ENOX2: variants seen among roughly 807,000 people sequenced by gnomAD.
ENOX2 encodes the protein ecto-NOX disulfide-thiol exchanger 2, also known as APK1 antigen.
In ENOX2, 36 loss-of-function variants were observed where a neutral mutation model predicts 45.0. The ratio of observed to expected loss-of-function variants is 0.80; its 90% CI spans 0.61 to 1.06. The LOEUF is 1.06. Ranked by LOEUF, ENOX2 falls within the 50% of genes least tolerant of loss-of-function variation. The probability of loss-of-function intolerance (pLI) is 0.00; values close to 1 mark genes in which losing one functional copy is unlikely to be tolerated. For missense variants in ENOX2, 423 were observed against 462.5 expected (o/e 0.91, Z 0.78); for synonymous variants, 174 against 152.3 (o/e 1.14, Z -1.05).
chrX:130,709,060 T>C (rs1052942933), intron 3 of ENOX2, among the ~76,000 whole-genome samples: 3 of 112,005 alleles, frequency 2.7e-5, no homozygotes, highest in African/African-American at 9.7e-5. Context: ...TTAAGGTAAT[T>C]AAATTTACTA....
chrX:130,750,971 CTG>C (rs1158331583), intron 3 of ENOX2, among the ~76,000 whole-genome samples: 1 of 111,551 alleles, frequency 9.0e-6, no homozygotes, highest in Non-Finnish European at 1.9e-5. Context: ...GGGTATCTGT[CTG>C]TCTGTGTTTA....
intron 3 of ENOX2, among the ~76,000 whole-genome samples, chrX:130,715,328 A>G (rs2038298566): frequency 8.9e-6 from 1 of 111,783 alleles, no homozygotes. Flanking sequence ...CTGCCTCAGC[A>G]GGGCCATCCT....
chrX:130,631,602 CAGTTCACTT>C, intron 12 of ENOX2, 26 bp from the exon 13 acceptor site: 1 of 937,340 alleles, frequency 1.1e-6, no homozygotes, highest in Non-Finnish European at 1.5e-6. Context: ...GCTTCTAGGT[CAGTTCACTT>C]TATTTGGCAA....
chrX:130,789,348 G>T (rs749510606), intron 2 of ENOX2, among the ~76,000 whole-genome samples: 5 of 112,129 alleles, frequency 4.5e-5, no homozygotes, highest in Non-Finnish European at 7.5e-5. Context: ...CCACTATCAG[G>T]TCAAATTAGG....
intron 3 of ENOX2, among the ~76,000 whole-genome samples, chrX:130,704,731 T>C (rs968627362): frequency 8.9e-6 from 1 of 112,073 alleles, no homozygotes; most frequent in Non-Finnish European, 1.9e-5. Context: ...TTCTGAAATA[T>C]TAGTTTTTGT....
intron 3 of ENOX2, among the ~76,000 whole-genome samples, chrX:130,708,517 C>T (rs2038098824): frequency 8.9e-6 from 1 of 111,992 alleles, no homozygotes; most frequent in South Asian, 3.7e-4. Context: ...CCAAAGAGTA[C>T]ATTTATTCTG....
chrX:130,858,687 G>A (rs753102049), intron 2 of ENOX2, among the ~76,000 whole-genome samples: 2 of 111,245 alleles, frequency 1.8e-5, no homozygotes, highest in Admixed American at 1.9e-4. Flanking sequence ...TAACTCAGAT[G>A]TATATTGATT....
intron 2 of ENOX2, among the ~76,000 whole-genome samples, chrX:130,882,027 T>C (rs1310905353): frequency 2.7e-5 from 3 of 111,762 alleles, no homozygotes; most frequent in Non-Finnish European, 5.6e-5. Flanking sequence ...CTTCAAGAAC[T>C]CAGTCTATTG....
intron 2 of ENOX2, among the ~76,000 whole-genome samples, chrX:130,889,235 T>C (rs995954068): frequency 1.3e-4 from 14 of 111,397 alleles, no homozygotes; most frequent in Admixed American, 4.8e-4. Flanking sequence ...GATTTCCATC[T>C]GTATGGTGGT....
chrX:130,742,295 A>C (rs1188249652), intron 3 of ENOX2, among the ~76,000 whole-genome samples: 2 of 81,602 alleles, frequency 2.5e-5, no homozygotes, highest in Non-Finnish European at 4.4e-5. Flanking sequence ...TGCTAGAATG[A>C]CATCTTTACA....
intron 4 of ENOX2, among the ~76,000 whole-genome samples, chrX:130,701,920 G>T (rs1049481539): frequency 7.1e-5 from 8 of 112,047 alleles, no homozygotes; most frequent in Non-Finnish European, 1.3e-4. Context: ...ATAGTAGTTT[G>T]GCAGAGTTCT....
chrX:130,625,907 C>G (rs1250247708), intron 14 of ENOX2, among the ~76,000 whole-genome samples: 7 of 109,543 alleles, frequency 6.4e-5, no homozygotes, highest in Admixed American at 3.9e-4. Flanking sequence ...CCCCATCTCT[C>G]TCTCTCTCTC....
At chrX:130,638,068 T>C (rs2035978252) in intron 10 of ENOX2, among the ~76,000 whole-genome samples, 1 of 92,519 alleles carries the variant, frequency 1.1e-5, no homozygotes, top group Admixed American at 1.1e-4. Flanking sequence ...CCTTCCTTCC[T>C]TTTTTTTTTT....
chrX:130,788,775 C>T (rs2077002661), intron 2 of ENOX2, among the ~76,000 whole-genome samples: 1 of 112,147 alleles, frequency 8.9e-6, no homozygotes, highest in African/African-American at 3.2e-5. Flanking sequence ...GTTTCCCTCA[C>T]ATCTCATCTC....
At chrX:130,673,984 T>A in intron 6 of ENOX2, among the ~76,000 whole-genome samples, 1 of 112,364 alleles carries the variant, frequency 8.9e-6, no homozygotes, top group Non-Finnish European at 1.9e-5. Flanking sequence ...CTTTTGGATG[T>A]GTGAATTTAG....
intron 10 of ENOX2, among the ~76,000 whole-genome samples, chrX:130,645,515 T>G (rs188400151): frequency 8.8e-6 from 1 of 113,032 alleles, no homozygotes; most frequent in Admixed American, 9.3e-5. Flanking sequence ...CATGCCAAAT[T>G]AATGGAAACA....
chrX:130,625,345 A>G lies in ENOX2; in HGVS notation c.1715T>C (p.Phe572Ser). 8.3e-7 allele frequency: 1 copy of G among 1,211,481 alleles called. No individual in the cohort carries two copies. The highest frequency in any genetic ancestry group is 1.7e-5 in the African/African-American group (1 of 57,810). ...CAGCTTCAAGCCCTCGAAGCCACAG[A>G]ATTTCCATCTCTTTTCCAGGCTGGC... The part of the protein sequence containing the change: ...VGASLEKRWK[F>S]CGFEGLKLT The change falls in exon 15 of 15, where the codon TTC (phenylalanine) becomes TCC (serine). Residue 572 changes from phenylalanine (F) to serine (S), a missense_variant. Transcript: ENST00000394363.
intron 3 of ENOX2, among the ~76,000 whole-genome samples, chrX:130,727,380 G>A (rs1199806949): frequency 1.8e-5 from 2 of 111,795 alleles, no homozygotes; most frequent in African/African-American, 3.3e-5. Context: ...TATTACTAAC[G>A]CCAAATCCTC....
intron 3 of ENOX2, among the ~76,000 whole-genome samples, chrX:130,781,038 G>T (rs1335020633): frequency 1.8e-5 from 2 of 111,843 alleles, no homozygotes; most frequent in African/African-American, 6.5e-5. Context: ...TCTTCCTTTT[G>T]TCTAGTACTG....
Sources: gnomAD v4.1 joint callset for allele counts (sites outside exome capture counted in the v4.1 genomes callset) on GRCh38, gnomAD v4.1.1 for gene constraint, MANE v1.5 for transcripts, NCBI Gene and HGNC (gene_info 2026-07-23, HGNC 2026-07-21) for gene names.